DNAH6: variants seen among roughly 807,000 people sequenced by gnomAD.
DNAH6 encodes the protein axonemal beta dynein heavy chain 6.
A neutral mutation model predicts 491.4 loss-of-function variants in DNAH6; 340 were observed. The ratio of observed to expected loss-of-function variants is 0.69; its 90% CI spans 0.63 to 0.76. The LOEUF (loss-of-function observed/expected upper bound fraction) is 0.76, where lower values mean the gene tolerates loss of function less well. Among genes scored for constraint, DNAH6 ranks in the 30% least tolerant of loss-of-function variants. The pLI is 0.00. For missense variants in DNAH6, 4,443 were observed against 4,972.2 expected (o/e 0.89, Z 3.20); for synonymous variants, 1,603 against 1,686.1 (o/e 0.95, Z 1.21).
intron 14 of DNAH6, among the ~76,000 whole-genome samples, chr2:84,581,395 C>G (rs1160621236): frequency 1.3e-5 from 2 of 152,114 alleles, no homozygotes; most frequent in African/African-American, 4.8e-5. Context: ...GTGAGCATCA[C>G]TTAGCGTGGT....
chr2:84,560,220 A>G (rs1680501267), intron 11 of DNAH6, among the ~76,000 whole-genome samples: 1 of 152,172 alleles, frequency 6.6e-6, no homozygotes, highest in Non-Finnish European at 1.5e-5. Context: ...ACTCTAAGAT[A>G]TAGCCTTTTA....
At chr2:84,569,458 A>T (rs1476827509) in intron 11 of DNAH6, among the ~76,000 whole-genome samples, 2 of 152,124 alleles carry the variant, frequency 1.3e-5, no homozygotes, top group Non-Finnish European at 2.9e-5. Flanking sequence ...TTTTCTGAGT[A>T]TACCTTTTAA....
At chr2:84,805,530 C>T in intron 70 of DNAH6, 135 bp from the exon 71 acceptor site, 92 of 726,622 alleles carry the variant, frequency 1.3e-4, no homozygotes, top group East Asian at 3.4e-4. Context: ...TTGTTCTTAC[C>T]ACAATAAAAT....
intron 64 of DNAH6, among the ~76,000 whole-genome samples, chr2:84,771,336 G>A (rs1675587050): frequency 6.6e-6 from 1 of 151,612 alleles, no homozygotes; most frequent in Non-Finnish European, 1.5e-5. Context: ...ATACCTGAGA[G>A]ATACCATCAA....
At chr2:84,770,328 A>G (rs1045374153) in intron 64 of DNAH6, among the ~76,000 whole-genome samples, 4 of 152,196 alleles carry the variant, frequency 2.6e-5, no homozygotes, top group African/African-American at 7.2e-5. Flanking sequence ...CCAAAGACAT[A>G]AGAAATTATG....
intron 48 of DNAH6, among the ~76,000 whole-genome samples, chr2:84,700,659 A>T (rs780121369): frequency 6.6e-6 from 1 of 152,192 alleles, no homozygotes; most frequent in Non-Finnish European, 1.5e-5. Context: ...CATTTGACCA[A>T]TGTTCAAGTG....
chr2:84,583,787 G>C (rs942587368), intron 14 of DNAH6, among the ~76,000 whole-genome samples: 3 of 148,810 alleles, frequency 2.0e-5, no homozygotes, highest in Non-Finnish European at 4.4e-5. Context: ...GCCTTTAGCC[G>C]TGACTGTGAG....
chr2:84,554,289 C>G (rs539659931), intron 10 of DNAH6, among the ~76,000 whole-genome samples: 2 of 152,270 alleles, frequency 1.3e-5, no homozygotes, highest in South Asian at 4.2e-4. Context: ...TTTGCTGCAT[C>G]ACGTAACCTA....
Position 84,669,433 on chromosome 2 carries a change from C to A in DNAH6, c.6229C>A (p.Arg2077Ser). The A allele has an allele frequency of 6.4e-7, 1 of 1,551,964 alleles. No individual in the cohort carries two copies. Among genetic ancestry groups the A allele is most frequent in the Non-Finnish European group, 8.7e-7 (1 of 1,147,040 alleles). Reference sequence around the variant, plus strand: ...GCTTGTCCCCACAACTGACACAGTGCGCTATGGGTATCTAATGGAAAAACT... The same window carrying A: ...GCTTGTCCCCACAACTGACACAGTGAGCTATGGGTATCTAATGGAAAAACT... Reference protein sequence around the residue: ...EMLVPTTDTVRYGYLMEKLLA... With the variant: ...EMLVPTTDTVSYGYLMEKLLA... Residue 2077 changes from arginine to serine, a missense_variant, in exon 38 of 77, where the codon CGC (arginine) becomes AGC (serine). Arg to Ser is a moderately radical substitution (Grantham distance 110). Around this residue, in one of 3 missense-constraint regions of DNAH6, gnomAD observed 2,977 missense variants for 3,296.6 expected, o/e 0.90. Transcript: ENST00000389394.
At chr2:84,694,161 G>A in intron 45 of DNAH6, 88 bp from the exon 46 acceptor site, 1 of 1,217,276 alleles carries the variant, frequency 8.2e-7, no homozygotes, top group Non-Finnish European at 1.2e-6. Flanking sequence ...GGCTCCACTG[G>A]CCACCAGCCT....
At chr2:84,647,514 A>G (rs1030323277) in intron 33 of DNAH6, among the ~76,000 whole-genome samples, 8 of 152,214 alleles carry the variant, frequency 5.3e-5, no homozygotes, top group Non-Finnish European at 1.2e-4. Flanking sequence ...TGGTGGTTTT[A>G]AGTTAAAGCC....
chr2:84,552,857 T>G (rs1679535995), intron 9 of DNAH6, 61 bp from the exon 10 acceptor site: 2 of 933,990 alleles, frequency 2.1e-6, no homozygotes, highest in Non-Finnish European at 3.2e-6. Context: ...CCTTGTTTTT[T>G]TATTTTGTTT....
Position 84,694,327 on chromosome 2 carries a change from G to A in DNAH6, c.7371G>A (p.Thr2457=), listed in dbSNP as rs778614642. 7 of 1,552,372 alleles carry A rather than the reference G, an allele frequency of 4.5e-6. No homozygotes were observed. Among genetic ancestry groups the A allele is most frequent in the African/African-American group, 2.7e-5 (2 of 73,196 alleles). ...GAGGCACAGGAAAGCAGTCACTCAC[G>A]AGACTTGCAGCTCATATATGCGGTT... The part of the protein sequence containing the change: ...GVGGTGKQSL[T]RLAAHICGYK... Residue 2457 remains threonine (T), a synonymous_variant, in exon 46 of 77, where the codon ACG becomes ACA. Coordinates refer to ENST00000389394, the MANE Select transcript of DNAH6 (RefSeq NM_001370.2).
At position 84,727,644 on chromosome 2, in the gene DNAH6, A is replaced by G. The variant is rs1202814060; in HGVS notation, c.9973-25A>G. The stretch of plus-strand genomic sequence containing the variant: ...GCAGAGAATGAATTAAATCAGAGAC[A>G]TTGATAGAGCTCTCTTTCACACAGT... On this transcript the variant is annotated intron_variant, in intron 60 of 76. Coordinates refer to ENST00000389394, the MANE Select transcript of DNAH6 (RefSeq NM_001370.2). 41 of 1,392,426 alleles carry G rather than the reference A, an allele frequency of 2.9e-5. 1 individual carries two copies. The highest frequency in any genetic ancestry group is 3.4e-5 in the Non-Finnish European group (34 of 1,003,726). 86.3% of individuals were successfully genotyped at this position (1,392,426 alleles called of 1,614,324 possible).
chr2:84,758,741 C>A (rs1041778597), intron 63 of DNAH6, among the ~76,000 whole-genome samples: 40 of 152,240 alleles, frequency 2.6e-4, no homozygotes, highest in African/African-American at 9.4e-4. Flanking sequence ...AAATTCAGCA[C>A]CCCTTCATGA....
chr2:84,719,167 A>G (rs1697843897), intron 59 of DNAH6, among the ~76,000 whole-genome samples: 1 of 152,156 alleles, frequency 6.6e-6, no homozygotes, highest in African/African-American at 2.4e-5. Flanking sequence ...ACTGCTTTAT[A>G]TTGTATAGTC....
chr2:84,604,631 GT>G, intron 19 of DNAH6, 80 bp downstream of exon 19: 2 of 1,146,676 alleles, frequency 1.7e-6, no homozygotes, highest in South Asian at 1.5e-5. Flanking sequence ...TGATCTGGAT[GT>G]TTTTTTCAAC....
At position 84,653,321 on chromosome 2, in the gene DNAH6, G is replaced by T; in HGVS notation, c.5081G>T (p.Gly1694Val). Residue 1694 changes from glycine (G) to valine (V), a missense_variant and splice_region_variant, in exon 34 of 77, where the codon GGA (glycine) becomes GTA (valine). Gly to Val is a moderately radical substitution (Grantham distance 109). Transcript: ENST00000389394. The part of the protein sequence containing the change: ...FLTDDALLFS[G>V]IISDLFPGVQ... ...TGATTTTATTTTTGTTTTGACAGTG[G>T]AATCATATCTGACCTTTTTCCTGGA... The T allele has an allele frequency of 6.6e-7, 1 of 1,506,732 alleles. No individual in the cohort carries two copies. Among genetic ancestry groups the T allele is most frequent in the South Asian group, 1.3e-5 (1 of 77,728 alleles). The allele number at this position is 1,506,732 out of a possible 1,614,324, so 93.3% of individuals were successfully genotyped here.
At chr2:84,574,823 G>A (rs1394503887) in intron 12 of DNAH6, among the ~76,000 whole-genome samples, 1 of 152,162 alleles carries the variant, frequency 6.6e-6, no homozygotes, top group African/African-American at 2.4e-5. Flanking sequence ...TAATCCCTGA[G>A]CTCTTCTACT....
Sources: gnomAD v4.1 joint callset for allele counts (sites outside exome capture counted in the v4.1 genomes callset) on GRCh38, gnomAD v4.1.1 for gene constraint, gnomAD v4.1.1 regional missense constraint, MANE v1.5 for transcripts, NCBI Gene and HGNC (gene_info 2026-07-23, HGNC 2026-07-21) for gene names.